ADCY5: variants seen among roughly 807,000 people sequenced by gnomAD.
ADCY5 encodes adenylate cyclase type 5.
Under a neutral mutation model 119.7 loss-of-function variants are expected in ADCY5, and 30 were observed. The ratio of observed to expected loss-of-function variants is 0.25; its 90% CI spans 0.19 to 0.34. ADCY5 has a LOEUF of 0.34. Ranked by LOEUF, ADCY5 falls within the 10% of genes least tolerant of loss-of-function variation. The pLI is 1.00. For missense variants in ADCY5, 1,324 were observed against 1,775.2 expected (o/e 0.75, Z 4.57); for synonymous variants, 753 against 762.2 (o/e 0.99, Z 0.20).
chr3:123,410,195 A>G (rs780794450), intron 1 of ADCY5, among the ~76,000 whole-genome samples: 11 of 152,190 alleles, frequency 7.2e-5, no homozygotes, highest in Non-Finnish European at 1.3e-4. Context: ...TGGGGGCTGG[A>G]ACACAGCTCA....
intron 1 of ADCY5, among the ~76,000 whole-genome samples, chr3:123,385,307 A>ACACACACACG (rs1231942064): frequency 1.5e-4 from 23 of 151,324 alleles, no homozygotes; most frequent in Non-Finnish European, 2.2e-4. Context: ...ACACACACAC[A>ACACACACACG]CACGCACGCA....
At chr3:123,416,482 G>A (rs1233297214) in intron 1 of ADCY5, 8 of 700,418 alleles carry the variant, frequency 1.1e-5, no homozygotes, top group South Asian at 2.2e-5. Context: ...ACTGAAGGAC[G>A]CAGAACAAGT....
intron 1 of ADCY5, among the ~76,000 whole-genome samples, chr3:123,444,409 A>C (rs986487552): frequency 6.6e-6 from 1 of 151,990 alleles, no homozygotes. Flanking sequence ...GATCAGAGGG[A>C]GAGGGAAGAG....
intron 1 of ADCY5, among the ~76,000 whole-genome samples, chr3:123,379,800 GCA>G (rs1257586469): frequency 2.6e-5 from 4 of 152,196 alleles, no homozygotes; most frequent in Non-Finnish European, 5.9e-5. Context: ...TCTGTGAACA[GCA>G]CAGACTCCAG....
Position 123,320,761 on chromosome 3 carries a change from T to A in ADCY5, c.2099A>T (p.Asp700Val). The A allele has an allele frequency of 6.2e-7, 1 of 1,609,810 alleles. No homozygotes were observed. The highest frequency in any genetic ancestry group is 1.1e-5 in the South Asian group (1 of 90,898). Residue 700 changes from aspartate (D) to valine (V), a missense_variant, in exon 9 of 21, where the codon GAC becomes GTC. Coordinates refer to ENST00000462833, the MANE Select transcript of ADCY5 (RefSeq NM_183357.3). ...SKEMKRMGFE[D>V]PKDKNAQESA... is the part of the protein sequence containing the mutation. ...GCATATTACTCACTTGTCCTTGGGG[T>A]CTTCAAAGCCCTAGAAGAGAAGGAT...
At chr3:123,393,624 G>A (rs983197369) in intron 1 of ADCY5, among the ~76,000 whole-genome samples, 10 of 146,656 alleles carry the variant, frequency 6.8e-5, no homozygotes, top group East Asian at 2.2e-4. Flanking sequence ...GAGGGACAGC[G>A]TCACATGCGA....
intron 17 of ADCY5, among the ~76,000 whole-genome samples, chr3:123,292,964 G>A (rs886418217): frequency 4.6e-5 from 7 of 152,306 alleles, no homozygotes; most frequent in South Asian, 4.1e-4. Flanking sequence ...GGGCAGGGCC[G>A]CTAGAGCAGG....
intron 12 of ADCY5, 112 bp downstream of exon 12, chr3:123,314,123 C>T: frequency 1.2e-6 from 1 of 807,304 alleles, no homozygotes; most frequent in Non-Finnish European, 2.0e-6. Flanking sequence ...TCTCCCACCC[C>T]TGCCAAGCAC....
At chr3:123,383,199 A>T (rs1944090018) in intron 1 of ADCY5, among the ~76,000 whole-genome samples, 1 of 152,170 alleles carries the variant, frequency 6.6e-6, no homozygotes, top group Non-Finnish European at 1.5e-5. Context: ...CCCAGGCCGT[A>T]GGGAGGAGTC....
At chr3:123,431,111 G>A (rs770732104) in intron 1 of ADCY5, among the ~76,000 whole-genome samples, 5 of 152,120 alleles carry the variant, frequency 3.3e-5, no homozygotes, top group Admixed American at 1.3e-4. Context: ...TACTAGTGCC[G>A]GACTAACACT....
At chr3:123,293,941 G>C (rs778354518) in intron 17 of ADCY5, among the ~76,000 whole-genome samples, 1 of 152,204 alleles carries the variant, frequency 6.6e-6, no homozygotes, top group Non-Finnish European at 1.5e-5. Context: ...GGCTGGAGCA[G>C]GGAAAGCACA....
chr3:123,384,538 C>T (rs1037048758), intron 1 of ADCY5, among the ~76,000 whole-genome samples: 1 of 152,196 alleles, frequency 6.6e-6, no homozygotes, highest in African/African-American at 2.4e-5. Flanking sequence ...GTCACAAGGG[C>T]CGGAACTAGG....
At position 123,395,549 on chromosome 3, in the gene ADCY5, G is replaced by A. The variant is rs140677936; in HGVS notation, c.1135-42968C>T. Among the ~76,000 whole-genome samples the A allele has an allele frequency of 7.2e-5, 11 of 152,222 alleles. No homozygotes were observed. In the East Asian group the frequency reaches 1.9e-3, roughly 27 times the overall value. On this transcript the variant is annotated intron_variant, in intron 1 of 20. Coordinates refer to ENST00000462833, the MANE Select transcript of ADCY5 (RefSeq NM_183357.3). ...CAGGAACAGCACTGTCTCAGCACCT[G>A]GTGGACCTTCAATAAACTTTTGCTG...
At chr3:123,404,888 A>G (rs890725012) in intron 1 of ADCY5, among the ~76,000 whole-genome samples, 1 of 152,206 alleles carries the variant, frequency 6.6e-6, no homozygotes, top group Non-Finnish European at 1.5e-5. Context: ...GTTTTATTCT[A>G]TCTATTCAGA....
chr3:123,447,311 T>C, intron 1 of ADCY5, 101 bp downstream of exon 1: 3 of 1,298,740 alleles, frequency 2.3e-6, no homozygotes, highest in East Asian at 5.2e-5. Context: ...CTCTGGCTCT[T>C]TTCACCATTC....
intron 1 of ADCY5, among the ~76,000 whole-genome samples, chr3:123,377,000 A>G (rs1174703345): frequency 6.6e-6 from 1 of 152,100 alleles, no homozygotes; most frequent in Non-Finnish European, 1.5e-5. Context: ...TGCCCCAGCA[A>G]GAAGAGGGAA....
At chr3:123,369,906 G>A (rs1230483779) in intron 1 of ADCY5, among the ~76,000 whole-genome samples, 1 of 152,228 alleles carries the variant, frequency 6.6e-6, no homozygotes, top group Non-Finnish European at 1.5e-5. Context: ...AGGAGATTCT[G>A]CCCTGGTCTC....
At position 123,347,908 on chromosome 3, in the gene ADCY5, A is replaced by G. The variant is rs2108481786; in HGVS notation, c.1285-5T>C. The G allele has an allele frequency of 6.2e-7, 1 of 1,614,114 alleles. No homozygotes were observed. Among genetic ancestry groups the G allele is most frequent in the Non-Finnish European group, 8.5e-7 (1 of 1,180,014 alleles). ...GACAGACAGCAGGAGCCGTTCCTGC[A>G]GAGGGAAGCACATGCTTTCATCACC... On this transcript the variant is annotated splice_polypyrimidine_tract_variant and splice_region_variant and intron_variant, in intron 2 of 20. Coordinates refer to ENST00000462833, the MANE Select transcript of ADCY5 (RefSeq NM_183357.3).
intron 1 of ADCY5, chr3:123,419,184 C>G (rs1945250165): frequency 2.0e-6 from 2 of 985,376 alleles, no homozygotes; most frequent in African/African-American, 3.5e-5. Flanking sequence ...CTCCCCTCAT[C>G]ATGATTCCAG....
Sources: allele counts gnomAD v4.1 joint callset (sites outside exome capture counted in the v4.1 genomes callset), GRCh38; gene constraint gnomAD v4.1.1; transcripts MANE v1.5; gene names NCBI Gene and HGNC (gene_info 2026-07-23, HGNC 2026-07-21).